The following CFAP77 variants were observed in gnomAD, a reference collection of about 807,000 sequenced individuals.
CFAP77 encodes the protein cilia- and flagella-associated protein 77.
Under a neutral mutation model 31.1 loss-of-function variants are expected in CFAP77, and 25 were observed. That is an observed-to-expected ratio of 0.80 (90% CI 0.59 to 1.12). The LOEUF is 1.12. CFAP77 is among the 50% of genes most tolerant of loss of function. CFAP77 has a pLI of 0.00. For missense variants in CFAP77, 377 were observed against 397.3 expected (o/e 0.95, Z 0.44); for synonymous variants, 151 against 159.9 (o/e 0.94, Z 0.42).
chr9:132,522,179 T>G (rs1044268542), intron 3 of CFAP77, among the ~76,000 whole-genome samples: 2 of 152,180 alleles, frequency 1.3e-5, no homozygotes, highest in African/African-American at 4.8e-5. Flanking sequence ...TGGGGTCCTA[T>G]ATGAAAATAG....
chr9:132,447,860 C>G (rs1359673095), intron 1 of CFAP77, among the ~76,000 whole-genome samples: 1 of 152,170 alleles, frequency 6.6e-6, no homozygotes. Flanking sequence ...ACCCAACATT[C>G]AAAGGATATC....
intron 1 of CFAP77, among the ~76,000 whole-genome samples, chr9:132,459,923 TGA>T (rs1851020561): frequency 6.6e-6 from 1 of 151,886 alleles, no homozygotes; most frequent in Non-Finnish European, 1.5e-5. Flanking sequence ...TGAGTTTGTA[TGA>T]GTGTGTGCGT....
At chr9:132,500,076 C>T (rs1042802650) in intron 3 of CFAP77, among the ~76,000 whole-genome samples, 1 of 151,058 alleles carries the variant, frequency 6.6e-6, no homozygotes, top group African/African-American at 2.4e-5. Context: ...TGCTTGAGCC[C>T]AGGAGGTCGA....
At position 132,517,093 on chromosome 9, in the gene CFAP77, G is replaced by T. The variant is rs1460465107; in HGVS notation, c.524+17493G>T. Among the ~76,000 whole-genome samples, 1 of 152,168 alleles carries T rather than the reference G, an allele frequency of 6.6e-6. No homozygotes were observed. The highest frequency in any genetic ancestry group is 2.4e-5 in the African/African-American group (1 of 41,430). On this transcript the variant is annotated intron_variant, in intron 3 of 5. Coordinates refer to ENST00000393216, the MANE Select transcript of CFAP77 (RefSeq NM_001282957.2). The surrounding 1 kb of genome is among the most constrained non-coding windows in gnomAD (Gnocchi z 4.7). ...GTGGAGAGGGTGGATCTCCCTAGAC[G>T]GCTCCACTTCTGGGTGTCCCTCATG...
intron 5 of CFAP77, among the ~76,000 whole-genome samples, chr9:132,563,958 C>T (rs1241612823): frequency 6.6e-6 from 1 of 152,160 alleles, no homozygotes; most frequent in Non-Finnish European, 1.5e-5. Context: ...CCAGCACCAG[C>T]TACTCTTTCT....
At position 132,539,286 on chromosome 9, in the gene CFAP77, C is replaced by T. The variant is rs1852600259; in HGVS notation, c.630+1580C>T. Among the ~76,000 whole-genome samples the T allele has an allele frequency of 6.6e-6, 1 of 152,086 alleles. No homozygotes were observed. The highest frequency in any genetic ancestry group is 1.5e-5 in the Non-Finnish European group (1 of 68,008). ...GCGTGGCTCCGGCGTGGCTAGTTGT[C>T]ATGACAATCACAACCAGCACCCTCC... On this transcript the variant is annotated intron_variant, in intron 4 of 5. Transcript: ENST00000393216. The surrounding 1 kb of genome is among the most constrained non-coding windows in gnomAD (Gnocchi z 4.3).
chr9:132,529,843 GA>G (rs1293148573), intron 3 of CFAP77, among the ~76,000 whole-genome samples: 163 of 148,948 alleles, frequency 1.1e-3, no homozygotes, highest in African/African-American at 3.9e-3. Context: ...AAAAAGAAAA[GA>G]AAAGAAAAGA....
At chr9:132,529,772 G>A (rs1417840582) in intron 3 of CFAP77, among the ~76,000 whole-genome samples, 1 of 150,650 alleles carries the variant, frequency 6.6e-6, no homozygotes, top group East Asian at 1.9e-4. Flanking sequence ...GTTGCAGTGA[G>A]CCAAGGTCGC....
chr9:132,490,398 C>A lies in CFAP77; in HGVS notation c.196-8297C>A, dbSNP rs1329140935. ...TCAGATGTCTGTCACAACCTGCTTG[C>A]CTGTGTCTGAAAGTTCGGGGTCAGG... On this transcript the variant is annotated intron_variant, in intron 1 of 5. Transcript: ENST00000393216. This position sits in a 1 kb window ranked among gnomAD's most constrained non-coding sequence, Gnocchi z 4.6. 6.6e-6 allele frequency among the ~76,000 whole-genome samples: 1 copy of A among 152,210 alleles called. No individual in the cohort carries two copies. The highest frequency in any genetic ancestry group is 2.4e-5 in the African/African-American group (1 of 41,454).
At chr9:132,467,544 G>T (rs542546311) in intron 1 of CFAP77, among the ~76,000 whole-genome samples, 5 of 152,342 alleles carry the variant, frequency 3.3e-5, no homozygotes, top group Middle Eastern at 6.8e-3. Flanking sequence ...TTTTAAGGCT[G>T]AGTAATATTC....
At chr9:132,450,804 C>T (rs749477121) in intron 1 of CFAP77, among the ~76,000 whole-genome samples, 31 of 152,158 alleles carry the variant, frequency 2.0e-4, no homozygotes, top group Admixed American at 8.5e-4. Flanking sequence ...CGGATTGGAG[C>T]GGGTAAGCCG....
chr9:132,518,934 C>T (rs1254179476), intron 3 of CFAP77, among the ~76,000 whole-genome samples: 1 of 152,204 alleles, frequency 6.6e-6, no homozygotes, highest in Admixed American at 6.5e-5. Flanking sequence ...ACTGCGTGGT[C>T]TTGAGCAAGA....
intron 5 of CFAP77, among the ~76,000 whole-genome samples, chr9:132,567,133 C>T (rs1334145590): frequency 6.6e-6 from 1 of 152,198 alleles, no homozygotes; most frequent in Non-Finnish European, 1.5e-5. Context: ...TCATCCACAT[C>T]AGACACCACA....
At chr9:132,530,058 T>C (rs1852412199) in intron 3 of CFAP77, among the ~76,000 whole-genome samples, 2 of 152,092 alleles carry the variant, frequency 1.3e-5, no homozygotes, top group South Asian at 4.2e-4. Flanking sequence ...TATTCTTTCA[T>C]GTGTTTGTTT....
intron 3 of CFAP77, among the ~76,000 whole-genome samples, chr9:132,530,039 G>C (rs1265277531): frequency 6.6e-6 from 1 of 151,288 alleles, no homozygotes; most frequent in African/African-American, 2.4e-5. Flanking sequence ...AATGGCTACA[G>C]ATGTTGACTA....
intron 3 of CFAP77, among the ~76,000 whole-genome samples, chr9:132,523,458 T>C (rs983344444): frequency 2.0e-5 from 3 of 152,212 alleles, no homozygotes; most frequent in Non-Finnish European, 4.4e-5. Context: ...TCCCCTGACT[T>C]CTTGTTTTAC....
At chr9:132,536,328 C>T (rs1048787720) in intron 3 of CFAP77, among the ~76,000 whole-genome samples, 1 of 150,856 alleles carries the variant, frequency 6.6e-6, no homozygotes, top group Non-Finnish European at 1.5e-5. Flanking sequence ...GCTTCCTGGG[C>T]TGGTTACTGT....
chr9:132,420,159 C>CA (rs11302054), intron 1 of CFAP77, among the ~76,000 whole-genome samples: 2,050 of 135,078 alleles, frequency 0.015, 57 homozygotes, highest in African/African-American at 0.054. Flanking sequence ...AGACCTTGAC[C>CA]AAAAAAAAAA....
At position 132,564,949 on chromosome 9, in the gene CFAP77, G is replaced by A. The variant is rs1478687767; in HGVS notation, c.733-7439G>A. 6.6e-6 allele frequency among the ~76,000 whole-genome samples: 1 copy of A among 152,144 alleles called. No homozygotes were observed. The highest frequency in any genetic ancestry group is 1.5e-5 in the Non-Finnish European group (1 of 68,028). On this transcript the variant is annotated intron_variant, in intron 5 of 5. Coordinates refer to ENST00000393216, the MANE Select transcript of CFAP77 (RefSeq NM_001282957.2). The surrounding 1 kb of genome is among the most constrained non-coding windows in gnomAD (Gnocchi z 4.6). ...CCCAGGACTCACGGGAGACCTGGGAGGGTCACTTCTCACCTTCGGGCCTTG... is the reference window on the plus strand; with the variant it reads ...CCCAGGACTCACGGGAGACCTGGGAAGGTCACTTCTCACCTTCGGGCCTTG...
Sources: gnomAD v4.1 joint callset for allele counts (sites outside exome capture counted in the v4.1 genomes callset) on GRCh38, gnomAD v4.1.1 for gene constraint, Gnocchi (gnomAD v3.1) non-coding constraint, MANE v1.5 for transcripts, NCBI Gene and HGNC (gene_info 2026-07-23, HGNC 2026-07-21) for gene names.